AGBL4: variants seen among roughly 807,000 people sequenced by gnomAD.
AGBL4 encodes AGBL carboxypeptidase 4.
In AGBL4, 58 loss-of-function variants were observed where a neutral mutation model predicts 66.4. That is an observed-to-expected ratio of 0.87 (90% CI 0.71 to 1.09). The LOEUF is 1.09. Ranked by LOEUF, AGBL4 falls within the 50% of genes least tolerant of loss-of-function variation. The pLI is 0.00. For missense variants in AGBL4, 579 were observed against 631.0 expected, an observed-to-expected ratio of 0.92 and a Z score of 0.88; for synonymous variants, 234 against 222.9, an observed-to-expected ratio of 1.05 and a Z score of -0.44.
In AGBL4 at chr1:49,636,829, G is replaced by A. The variant is rs75807144; in HGVS notation, c.282+60484C>T. ...ATGAGTAAATCAAACAGATGCAACA[G>A]TTAATACTGAGTGTCAACTTGATTG... On this transcript the variant is annotated intron_variant, in intron 3 of 13. Coordinates refer to ENST00000371839, the MANE Select transcript of AGBL4 (RefSeq NM_032785.4). 1.4e-3 allele frequency among the ~76,000 whole-genome samples: 207 copies of A among 152,244 alleles called. 1 individual carries two copies. Among genetic ancestry groups the A allele is most frequent in the African/African-American group, 4.8e-3 (201 of 41,560 alleles).
chr1:49,704,373 T>C (rs1370820868), intron 2 of AGBL4, among the ~76,000 whole-genome samples: 2 of 152,044 alleles, frequency 1.3e-5, no homozygotes, highest in Non-Finnish European at 2.9e-5. Flanking sequence ...GGAAATTTAA[T>C]AAAGAGGTAA....
At position 48,573,194 on chromosome 1, in the gene AGBL4, C is replaced by T. The variant is rs145718403; in HGVS notation, c.1267+13810G>A. ...TCTTCCCCTTCACCAGGAATCATCC[C>T]TTCTTTGAGTCCAGGGTGAAACGGT... On this transcript the variant is annotated intron_variant, in intron 11 of 13. Coordinates refer to ENST00000371839, the MANE Select transcript of AGBL4 (RefSeq NM_032785.4). Among the ~76,000 whole-genome samples, 39 of 152,352 alleles carry T rather than the reference C, an allele frequency of 2.6e-4. No individual in the cohort carries two copies. The East Asian group carries it at 7.3e-3, about 29-fold the overall frequency.
intron 3 of AGBL4, among the ~76,000 whole-genome samples, chr1:49,629,778 T>A (rs1388640284): frequency 6.6e-6 from 1 of 152,190 alleles, no homozygotes; most frequent in Non-Finnish European, 1.5e-5. Context: ...ATGTATCTGC[T>A]ATAGTATTAC....
intron 6 of AGBL4, among the ~76,000 whole-genome samples, chr1:48,826,792 C>T (rs114276721): frequency 4.6e-5 from 7 of 152,170 alleles, no homozygotes; most frequent in South Asian, 2.1e-4. Context: ...ACTTAACAAA[C>T]GCTGAGTCTT....
At chr1:49,756,376 A>T (rs7550578) in intron 2 of AGBL4, among the ~76,000 whole-genome samples, 104,337 of 152,010 alleles carry the variant, frequency 0.69, 36,573 homozygotes, top group African/African-American at 0.78. Flanking sequence ...GGCCACAGTA[A>T]CCAGGAGTTT....
At chr1:48,558,141 AC>A (rs1288059151) in intron 11 of AGBL4, among the ~76,000 whole-genome samples, 1 of 152,204 alleles carries the variant, frequency 6.6e-6, no homozygotes, top group African/African-American at 2.4e-5. Context: ...ATGTGAAAGC[AC>A]CCGTATGGAG....
At chr1:49,783,184 C>A (rs1644376269) in intron 2 of AGBL4, among the ~76,000 whole-genome samples, 1 of 152,034 alleles carries the variant, frequency 6.6e-6, no homozygotes, top group East Asian at 1.9e-4. Flanking sequence ...GCAGCCTGAA[C>A]TGGTTAAGAT....
intron 6 of AGBL4, among the ~76,000 whole-genome samples, chr1:48,857,290 C>G (rs902289117): frequency 7.2e-5 from 11 of 152,160 alleles, no homozygotes; most frequent in Admixed American, 6.5e-4. Flanking sequence ...GTCTTCTCAA[C>G]AAATAGTTCT....
At chr1:48,745,097 T>A (rs891903748) in intron 6 of AGBL4, among the ~76,000 whole-genome samples, 1 of 152,194 alleles carries the variant, frequency 6.6e-6, no homozygotes, top group African/African-American at 2.4e-5. Flanking sequence ...AAGAGCAAAG[T>A]TTTACTCCCT....
intron 1 of AGBL4, among the ~76,000 whole-genome samples, chr1:49,945,425 CCAAA>C (rs1331651883): frequency 1.3e-5 from 2 of 152,072 alleles, no homozygotes; most frequent in Non-Finnish European, 1.5e-5. Flanking sequence ...CCTCATTAAA[CCAAA>C]CAATTAACAG....
intron 4 of AGBL4, among the ~76,000 whole-genome samples, chr1:49,134,455 C>A (rs1265748778): frequency 1.3e-5 from 2 of 148,290 alleles, no homozygotes; most frequent in African/African-American, 5.0e-5. Flanking sequence ...CAGACACTCC[C>A]AGAGCAGCCA....
chr1:49,978,006 G>T (rs1658720504), intron 1 of AGBL4, among the ~76,000 whole-genome samples: 3 of 152,118 alleles, frequency 2.0e-5, no homozygotes. Context: ...AAGCCTCAAA[G>T]ATACACATTC....
chr1:49,848,811 TA>T, intron 2 of AGBL4, among the ~76,000 whole-genome samples: 1 of 152,116 alleles, frequency 6.6e-6, no homozygotes, highest in East Asian at 1.9e-4. Context: ...TTTATTCAAA[TA>T]AAAAACTTTA....
At chr1:49,198,865 G>C (rs942406367) in intron 4 of AGBL4, among the ~76,000 whole-genome samples, 2 of 151,582 alleles carry the variant, frequency 1.3e-5, no homozygotes, top group African/African-American at 4.9e-5. Flanking sequence ...TATTTGGCCC[G>C]TCTACCTATT....
chr1:49,287,549 CA>C (rs1297095116), intron 3 of AGBL4, among the ~76,000 whole-genome samples: 7 of 151,968 alleles, frequency 4.6e-5, no homozygotes, highest in Admixed American at 2.6e-4. Flanking sequence ...AAAAAGTGGG[CA>C]AAGGATATGA....
At chr1:49,157,017 G>A (rs1646444086) in intron 4 of AGBL4, among the ~76,000 whole-genome samples, 1 of 152,108 alleles carries the variant, frequency 6.6e-6, no homozygotes, top group Admixed American at 6.6e-5. Context: ...TAGTTCAAGT[G>A]GGGGTTAACT....
chr1:49,684,965 T>C (rs1427992852), intron 3 of AGBL4, among the ~76,000 whole-genome samples: 1 of 152,150 alleles, frequency 6.6e-6, no homozygotes, highest in Non-Finnish European at 1.5e-5. Context: ...ATGGGTAAAT[T>C]GCATGTGGCT....
chr1:48,540,323 C>T (rs1644045862), intron 11 of AGBL4, among the ~76,000 whole-genome samples: 1 of 152,172 alleles, frequency 6.6e-6, no homozygotes, highest in Admixed American at 6.5e-5. Context: ...GCACAAACTT[C>T]TTGGGGAAGG....
chr1:49,249,752 A>G (rs543993219), intron 3 of AGBL4, among the ~76,000 whole-genome samples: 2 of 152,336 alleles, frequency 1.3e-5, no homozygotes, highest in African/African-American at 4.8e-5. Context: ...TCAGTACATC[A>G]AAGAGGTATC....
Sources: allele counts gnomAD v4.1 joint callset (sites outside exome capture counted in the v4.1 genomes callset), GRCh38; gene constraint gnomAD v4.1.1; transcripts MANE v1.5; gene names NCBI Gene and HGNC (gene_info 2026-07-23, HGNC 2026-07-21).